The following PEAK1 variants were observed in gnomAD, a reference collection of about 807,000 sequenced individuals.
PEAK1 encodes pseudopodium enriched atypical kinase 1.
A neutral mutation model predicts 124.7 loss-of-function variants in PEAK1; 54 were observed. That is an observed-to-expected ratio of 0.43 (90% CI 0.35 to 0.54). The LOEUF is 0.54. Among genes scored for constraint, PEAK1 ranks in the 20% least tolerant of loss-of-function variants. The pLI, the probability that PEAK1 is intolerant of heterozygous loss-of-function variation, is 0.01. For synonymous variants in PEAK1, 719 were observed against 760.0 expected, an observed-to-expected ratio of 0.95 and a Z score of 0.89; for missense variants, 2,046 against 2,134.5, an observed-to-expected ratio of 0.96 and a Z score of 0.82.
intron 6 of PEAK1, among the ~76,000 whole-genome samples, chr15:77,218,444 G>C (rs1410383978): frequency 6.6e-6 from 1 of 151,472 alleles, no homozygotes; most frequent in Admixed American, 6.6e-5. Flanking sequence ...TTGATAGATT[G>C]TCAGATGTTA....
intron 1 of PEAK1, among the ~76,000 whole-genome samples, chr15:77,406,649 C>G (rs527476959): frequency 6.6e-6 from 1 of 152,254 alleles, no homozygotes; most frequent in Admixed American, 6.5e-5. Context: ...CAAATGGAAA[C>G]ACATCCCATG....
intron 7 of PEAK1, among the ~76,000 whole-genome samples, chr15:77,165,365 T>C (rs903950097): frequency 3.9e-5 from 6 of 152,028 alleles, no homozygotes; most frequent in African/African-American, 1.4e-4. Context: ...CGGCTAATTA[T>C]TTTGTATTTT....
At chr15:77,404,844 G>T in intron 1 of PEAK1, 1 of 905,982 alleles carries the variant, frequency 1.1e-6, no homozygotes, top group Non-Finnish European at 1.3e-6. Flanking sequence ...TTAGCAATAT[G>T]AAAAAAAGAA....
chr15:77,402,225 A>T (rs1017520046), intron 1 of PEAK1: 13 of 984,304 alleles, frequency 1.3e-5, no homozygotes, highest in Non-Finnish European at 6.0e-6. Flanking sequence ...TAAGTACAAC[A>T]ACAAACAGTA....
chr15:77,418,812 C>T (rs1255045472), intron 1 of PEAK1: 1 of 985,214 alleles, frequency 1.0e-6, no homozygotes, highest in Non-Finnish European at 1.2e-6. Context: ...ATCACTACAT[C>T]ACTTCATTTA....
At chr15:77,419,443 A>G (rs1256593317) in intron 1 of PEAK1, 1 of 985,260 alleles carries the variant, frequency 1.0e-6, no homozygotes. Flanking sequence ...CGACCCCGCC[A>G]GCCCACACGT....
chr15:77,338,338 G>A (rs2066322613), intron 2 of PEAK1, among the ~76,000 whole-genome samples: 1 of 152,100 alleles, frequency 6.6e-6, no homozygotes, highest in African/African-American at 2.4e-5. Flanking sequence ...TCCTCTTGCT[G>A]AGGGAGGAAG....
chr15:77,260,115 G>A (rs1052831495), intron 5 of PEAK1, among the ~76,000 whole-genome samples: 1 of 152,032 alleles, frequency 6.6e-6, no homozygotes, highest in Non-Finnish European at 1.5e-5. Flanking sequence ...GCTCCCTTCC[G>A]CAAGAAGAGA....
intron 1 of PEAK1, chr15:77,403,186 A>G (rs2071520570): frequency 2.0e-6 from 2 of 985,418 alleles, no homozygotes; most frequent in Non-Finnish European, 2.4e-6. Context: ...TTGGCCTCCA[A>G]TGAGATTGTA....
chr15:77,245,929 TG>T (rs1254427754), intron 6 of PEAK1, among the ~76,000 whole-genome samples: 1 of 152,204 alleles, frequency 6.6e-6, no homozygotes, highest in African/African-American at 2.4e-5. Flanking sequence ...TATTCAGAAT[TG>T]TTTTTGGCTT....
chr15:77,361,652 T>C (rs1055905238), intron 2 of PEAK1, among the ~76,000 whole-genome samples: 1 of 152,182 alleles, frequency 6.6e-6, no homozygotes, highest in Non-Finnish European at 1.5e-5. Context: ...ACAACCACTA[T>C]GGAGAACAGC....
intron 1 of PEAK1, chr15:77,404,418 T>C (rs1330716003): frequency 3.8e-6 from 3 of 795,620 alleles, no homozygotes; most frequent in African/African-American, 3.8e-5. Context: ...AAAATATACA[T>C]TGGATTTGGA....
chr15:77,356,852 T>C (rs1036741029), intron 2 of PEAK1, among the ~76,000 whole-genome samples: 3 of 152,220 alleles, frequency 2.0e-5, no homozygotes, highest in Non-Finnish European at 2.9e-5. Context: ...ATAGAATTCA[T>C]CTAAATGCTG....
At chr15:77,105,232 G>C (rs2050735591), downstream of PEAK1, 1 of 152,202 alleles carries the variant, frequency 6.6e-6, no homozygotes, top group South Asian at 2.1e-4. Context: ...TATAATTGCA[G>C]ATTCCTCAGA....
chr15:77,304,046 T>C (rs2063932114), intron 2 of PEAK1, among the ~76,000 whole-genome samples: 1 of 152,216 alleles, frequency 6.6e-6, no homozygotes, highest in South Asian at 2.1e-4. Context: ...TATTAATCTA[T>C]GTGTCTATTC....
In PEAK1 at chr15:77,114,542, C is replaced by A; in HGVS notation, c.4855G>T (p.Glu1619Ter). 1 of 1,614,112 alleles carries A rather than the reference C, an allele frequency of 6.2e-7. No individual in the cohort carries two copies. Among genetic ancestry groups the A allele is most frequent in the East Asian group, 2.2e-5 (1 of 44,862 alleles). ...CGAGGCAGGTCTGCTCGTGTGTATT[C>A]CCTCTCCTTCAGCTCTGGGTTCTCA... ...FDENPELKER[E>*]YTRADLPRIP... Residue 1619 changes from glutamate to a stop codon, truncating the protein, a stop_gained, in exon 10 of 10, where the codon GAA becomes TAA. Coordinates refer to ENST00000682557, the MANE Select transcript of PEAK1 (RefSeq NM_001385026.1). LOFTEE classifies it high-confidence loss of function.
At chr15:77,314,385 T>C (rs771672671) in intron 2 of PEAK1, among the ~76,000 whole-genome samples, 4 of 152,144 alleles carry the variant, frequency 2.6e-5, no homozygotes, top group Non-Finnish European at 5.9e-5. Flanking sequence ...TTCTTTTTTT[T>C]TAAGACAGAG....
intron 6 of PEAK1, among the ~76,000 whole-genome samples, chr15:77,243,615 A>G (rs1016645028): frequency 6.6e-6 from 1 of 152,244 alleles, no homozygotes; most frequent in Non-Finnish European, 1.5e-5. Flanking sequence ...TGCTTTAAGG[A>G]AAGTGTGACT....
intron 7 of PEAK1, among the ~76,000 whole-genome samples, chr15:77,173,472 A>T (rs2056649024): frequency 6.6e-6 from 1 of 152,142 alleles, no homozygotes; most frequent in Non-Finnish European, 1.5e-5. Context: ...GAACATTTAA[A>T]ATCTACTTTT....
Sources: gnomAD v4.1 joint callset for allele counts (sites outside exome capture counted in the v4.1 genomes callset) on GRCh38, gnomAD v4.1.1 for gene constraint, MANE v1.5 for transcripts, NCBI Gene and HGNC (gene_info 2026-07-23, HGNC 2026-07-21) for gene names.